Variants in DEPDC4 observed in about 807,000 individuals in gnomAD.
DEPDC4 encodes DEP domain-containing protein 4.
In DEPDC4, 52 loss-of-function variants were observed where a neutral mutation model predicts 52.0. The ratio of observed to expected loss-of-function variants is 1.00; its 90% CI spans 0.80 to 1.26. The LOEUF (loss-of-function observed/expected upper bound fraction) is 1.26. Among genes scored for constraint, DEPDC4 ranks in the 50% most tolerant of loss-of-function variants. The pLI, the probability that DEPDC4 is intolerant of heterozygous loss-of-function variation, is 0.00. For synonymous variants in DEPDC4, 201 were observed against 196.8 expected (o/e 1.02, Z -0.18); for missense variants, 530 against 546.9 (o/e 0.97, Z 0.31).
chr12:100,274,908 A>T, the DEPDC4 span, among the ~76,000 whole-genome samples: 3 of 152,170 alleles, frequency 2.0e-5, no homozygotes, highest in African/African-American at 7.2e-5. Flanking sequence ...AATATTCTAG[A>T]ATCAGTTTGT....
At chr12:100,270,288 A>G (rs1224062786), upstream of DEPDC4, among the ~76,000 whole-genome samples, 1 of 152,044 alleles carries the variant, frequency 6.6e-6, no homozygotes, top group Non-Finnish European at 1.5e-5. Context: ...CGCCTGGCCG[A>G]GATTTTATAC....
chr12:100,238,508 C>CT (rs374449171), downstream of DEPDC4, among the ~76,000 whole-genome samples: 15,748 of 107,228 alleles, frequency 0.15, 2,052 homozygotes, highest in Non-Finnish European at 0.22. Flanking sequence ...TAGCTTAGTG[C>CT]TTTTTTTTTT....
At chr12:100,251,728 T>C (rs1295095197) in intron 7 of DEPDC4, among the ~76,000 whole-genome samples, 5 of 152,072 alleles carry the variant, frequency 3.3e-5, no homozygotes, top group East Asian at 3.9e-4. Context: ...CCACCACACC[T>C]GGCTAATTTT....
chr12:100,265,973 C>A (rs2096271133), intron 1 of DEPDC4, among the ~76,000 whole-genome samples: 1 of 152,164 alleles, frequency 6.6e-6, no homozygotes. Context: ...GTGCAGCCAT[C>A]ACTATTATCT....
chr12:100,281,388 T>C, the DEPDC4 span, among the ~76,000 whole-genome samples: 3 of 152,178 alleles, frequency 2.0e-5, no homozygotes, highest in Admixed American at 1.3e-4. Context: ...CAAAACTTTT[T>C]ATAAAATACC....
intron 3 of DEPDC4, chr12:100,261,681 A>G (rs2096254116): frequency 2.2e-6 from 1 of 456,446 alleles, no homozygotes; most frequent in African/African-American, 2.0e-5. Flanking sequence ...ATCTGGTCAC[A>G]GTCATTGTAA....
chr12:100,258,006 T>C (rs1049276812), intron 3 of DEPDC4, among the ~76,000 whole-genome samples: 3 of 151,790 alleles, frequency 2.0e-5, no homozygotes, highest in Middle Eastern at 6.8e-3. Flanking sequence ...GATAGATAGA[T>C]AGATAGATAG....
At chr12:100,263,445 GTTC>G in intron 2 of DEPDC4, 49 bp downstream of exon 2, 2 of 1,415,558 alleles carry the variant, frequency 1.4e-6, no homozygotes, top group Non-Finnish European at 9.4e-7. Context: ...AATAAAGACA[GTTC>G]TTCTAGGGTC....
intron 8 of DEPDC4, among the ~76,000 whole-genome samples, chr12:100,243,495 C>T (rs2096169158): frequency 1.3e-5 from 2 of 152,142 alleles, no homozygotes; most frequent in Admixed American, 1.3e-4. Flanking sequence ...CCCCAACTTC[C>T]TACCCTTGGC....
downstream of DEPDC4, among the ~76,000 whole-genome samples, chr12:100,237,008 T>C (rs1051749944): frequency 6.6e-6 from 1 of 152,164 alleles, no homozygotes; most frequent in African/African-American, 2.4e-5. Context: ...TTTGGGTTTA[T>C]TTCTGGGTTC....
chr12:100,234,505 G>A, intron 9 of DEPDC4, among the ~76,000 whole-genome samples: 1 of 152,166 alleles, frequency 6.6e-6, no homozygotes, highest in South Asian at 2.1e-4. Flanking sequence ...AGATATTGAC[G>A]GTGGGGGCTT....
At chr12:100,258,538 G>A (rs2096242757) in intron 3 of DEPDC4, among the ~76,000 whole-genome samples, 1 of 152,156 alleles carries the variant, frequency 6.6e-6, no homozygotes, top group South Asian at 2.1e-4. Context: ...ACAAAGAGAA[G>A]ACTCTTAAGT....
At chr12:100,277,429 C>T in the DEPDC4 span, among the ~76,000 whole-genome samples, 4 of 152,130 alleles carry the variant, frequency 2.6e-5, no homozygotes, top group Admixed American at 6.6e-5. Flanking sequence ...GCATTTATTT[C>T]GAAGTTCTCT....
the DEPDC4 span, among the ~76,000 whole-genome samples, chr12:100,273,492 T>C: frequency 6.6e-6 from 1 of 152,196 alleles, no homozygotes; most frequent in Non-Finnish European, 1.5e-5. Flanking sequence ...GTTTCTCATA[T>C]GGTATCAGAT....
chr12:100,257,788 G>C, intron 3 of DEPDC4: 1 of 152,234 alleles, frequency 6.6e-6, no homozygotes, highest in East Asian at 1.9e-4. Flanking sequence ...ATTTGGACCA[G>C]CCTGGTTTTC....
Position 100,267,052 on chromosome 12 carries a change from G to C in DEPDC4, c.25C>G (p.Arg9Gly). 1 of 1,613,744 alleles carries C rather than the reference G, an allele frequency of 6.2e-7. No individual in the cohort carries two copies. Among genetic ancestry groups the C allele is most frequent in the Non-Finnish European group, 8.5e-7 (1 of 1,179,836 alleles). The change falls in exon 1 of 10, where the codon CGC (arginine) becomes GGC (glycine). Residue 9 changes from arginine to glycine, a missense_variant. Transcript: ENST00000550587. Reference sequence around the variant, plus strand: ...GTCAAAAGAACCGCCATAAGCTCGCGCGCTGGCTCCTCCCCTGGCACCATA... The same window carrying C: ...GTCAAAAGAACCGCCATAAGCTCGCCCGCTGGCTCCTCCCCTGGCACCATA... MVPGEEPA[R>G]ELMAVLLTPR...
chr12:100,276,389 G>A, the DEPDC4 span, among the ~76,000 whole-genome samples: 10 of 152,076 alleles, frequency 6.6e-5, no homozygotes, highest in Non-Finnish European at 1.5e-4. Flanking sequence ...CCAGAGGAGA[G>A]TGGCACAATC....
At chr12:100,271,540 T>G (rs942331370), upstream of DEPDC4, among the ~76,000 whole-genome samples, 3 of 152,192 alleles carry the variant, frequency 2.0e-5, no homozygotes, top group Admixed American at 2.0e-4. Flanking sequence ...TTGTGCCCCT[T>G]TAAGGGATAA....
At chr12:100,243,523 A>T (rs1429507407) in intron 8 of DEPDC4, among the ~76,000 whole-genome samples, 2 of 152,076 alleles carry the variant, frequency 1.3e-5, no homozygotes, top group Non-Finnish European at 2.9e-5. Flanking sequence ...ATTTATTTAC[A>T]TCCATATACG....
Sources: gnomAD v4.1 joint callset for allele counts (sites outside exome capture counted in the v4.1 genomes callset) on GRCh38, gnomAD v4.1.1 for gene constraint, MANE v1.5 for transcripts, NCBI Gene and HGNC (gene_info 2026-07-23, HGNC 2026-07-21) for gene names.